The following CCL15 variants were observed in gnomAD, a reference collection of about 807,000 sequenced individuals.
CCL15 encodes C-C motif chemokine 15.
Under a neutral mutation model 10.6 loss-of-function variants are expected in CCL15, and 8 were observed. The ratio of observed to expected loss-of-function variants is 0.75; its 90% confidence interval spans 0.44 to 1.36. The LOEUF (loss-of-function observed/expected upper bound fraction) is 1.36, where lower values mean the gene tolerates loss of function less well. Among genes scored for constraint, CCL15 ranks in the 40% most tolerant of loss-of-function variants. CCL15 has a pLI of 0.00. For missense variants in CCL15, 128 were observed against 136.6 expected (o/e 0.94, Z 0.32); for synonymous variants, 51 against 48.8 (o/e 1.04, Z -0.19).
In CCL15 at chr17:35,998,941, C is replaced by T; in HGVS notation, c.77-16G>A. ...GTCTCTGCATCTGAAAGAAACAGTA[C>T]AGGGAAGGAAATCACTGGGTGGCAG... On this transcript the variant is annotated splice_polypyrimidine_tract_variant and intron_variant, in intron 1 of 3. Transcript: ENST00000617897. 6.2e-7 allele frequency: 1 copy of T among 1,610,620 alleles called. No individual in the cohort carries two copies. The highest frequency in any genetic ancestry group is 8.5e-7 in the Non-Finnish European group (1 of 1,176,762).
intron 1 of CCL15, among the ~76,000 whole-genome samples, chr17:36,000,656 C>T (rs2089983233): frequency 6.6e-6 from 1 of 152,038 alleles, no homozygotes; most frequent in Admixed American, 6.6e-5. Context: ...CTAAATCATC[C>T]TAAGGATGAG....
intron 1 of CCL15, among the ~76,000 whole-genome samples, chr17:36,000,145 C>G (rs1342556385): frequency 9.0e-6 from 1 of 111,572 alleles, no homozygotes; most frequent in African/African-American, 4.2e-5. Flanking sequence ...AGTGAGACTC[C>G]ATCTCAAAAA....
At chr17:35,998,467 C>T (rs539296386) in intron 2 of CCL15, 76 bp from the exon 3 acceptor site, 2 of 975,416 alleles carry the variant, frequency 2.1e-6, no homozygotes, top group African/African-American at 3.2e-5. Context: ...AAGGCACAAG[C>T]CTCTGAAGAC....
rs2089965536 is a variant in CCL15 at position 35,999,635 on chromosome 17, T to C, written c.77-710A>G. Reference sequence around the variant, plus strand: ...CGAGCCACAATGCCTAGCTAATAGTTTACCTTTTTGTAGTGATGAGGTCTT... The same window carrying C: ...CGAGCCACAATGCCTAGCTAATAGTCTACCTTTTTGTAGTGATGAGGTCTT... On this transcript the variant is annotated intron_variant, in intron 1 of 3. Transcript: ENST00000617897. 5.9e-5 allele frequency among the ~76,000 whole-genome samples: 9 copies of C among 151,904 alleles called. 1 individual carries two copies. The highest frequency in any genetic ancestry group is 5.9e-4 in the Admixed American group (9 of 15,246).
At position 35,997,694 on chromosome 17, in the gene CCL15, T is replaced by C. The variant is rs1568467710; in HGVS notation, c.*73A>G. 1.2e-6 allele frequency: 1 copy of C among 835,858 alleles called. No individual in the cohort carries two copies. The highest frequency in any genetic ancestry group is 2.0e-6 in the Non-Finnish European group (1 of 493,432). The allele number at this position is 835,858 out of a possible 1,614,324, so 51.8% of individuals were successfully genotyped here. A position where few individuals can be genotyped will look rare whatever the true frequency, so the allele number is the denominator to read the frequency against. On this transcript the variant is annotated 3_prime_UTR_variant, in exon 4 of 4. Coordinates refer to ENST00000617897, the MANE Select transcript of CCL15 (RefSeq NM_032965.6). ...CCAGACACAACAATATATATATTTT[T>C]TAAGTATTTCAGACCAAGAAACTCA...
intron 1 of CCL15, 65 bp from the exon 2 acceptor site, chr17:35,998,990 C>A: frequency 7.7e-7 from 1 of 1,292,400 alleles, no homozygotes; most frequent in Non-Finnish European, 1.1e-6. Flanking sequence ...CATCTCCACC[C>A]ACCCCATTGC....
In CCL15 at chr17:35,997,749, T is replaced by G; in HGVS notation, c.*18A>C. 6.4e-7 allele frequency: 1 copy of G among 1,558,054 alleles called. No homozygotes were observed. Among genetic ancestry groups the G allele is most frequent in the East Asian group, 2.2e-5 (1 of 44,578 alleles). ...AGGTGTTGGAGGTGGGTGGCTGGCC[T>G]CTTTTGTCTCTTTATTATTATATTG... On this transcript the variant is annotated 3_prime_UTR_variant, in exon 4 of 4. Transcript: ENST00000617897.
chr17:36,001,285 T>A (rs1487169609), intron 1 of CCL15, 132 bp downstream of exon 1: 1 of 1,201,072 alleles, frequency 8.3e-7, no homozygotes, highest in Non-Finnish European at 1.2e-6. Flanking sequence ...GAGCCAGGTC[T>A]ATACCCTGCT....
At chr17:36,000,481 A>G (rs1490470080) in intron 1 of CCL15, among the ~76,000 whole-genome samples, 3 of 151,834 alleles carry the variant, frequency 2.0e-5, no homozygotes, top group African/African-American at 2.4e-5. Flanking sequence ...AAAAAAAAAA[A>G]AAAATCTTGA....
At position 35,997,838 on chromosome 17, in the gene CCL15, G is replaced by A. The variant is rs368864271; in HGVS notation, c.271C>T (p.Gln91Ter). ...GGACCACTGGGTTTGGCACAGACTT[G>A]CCGCCCCTTCTTGGTGAGGAATCTG... ...GVIFLTKKGRQVCAKPSGPGV... is the reference protein window; with the variant it reads ...GVIFLTKKGR Residue 91 changes from glutamine to a stop codon, truncating the protein, a stop_gained, in exon 4 of 4, where the codon CAA (glutamine) becomes TAA (stop). Transcript: ENST00000617897. LOFTEE classifies it low-confidence loss of function (END_TRUNC). 8.1e-6 allele frequency: 13 copies of A among 1,613,750 alleles called. No individual in the cohort carries two copies. In the East Asian group the frequency reaches 2.9e-4, roughly 36 times the overall value.
rs573247415 is a variant in CCL15 at position 35,997,963 on chromosome 17, G to GT, written c.249-104dup. ...TCAGATTTCCCAGTCAACACAGCCT[G>GT]TTTTTTCCTTTCTCTGCTGATGGCA... On this transcript the variant is annotated intron_variant, in intron 3 of 3. Coordinates refer to ENST00000617897, the MANE Select transcript of CCL15 (RefSeq NM_032965.6). The GT allele has an allele frequency of 9.7e-5, 76 of 786,330 alleles. No individual in the cohort carries two copies. The Middle Eastern group carries it at 2.0e-3, about 21-fold the overall frequency. The allele number at this position is 786,330 out of a possible 1,614,324, so 48.7% of individuals were successfully genotyped here.
At chr17:35,999,049 C>G in intron 1 of CCL15, 124 bp from the exon 2 acceptor site, 1 of 771,594 alleles carries the variant, frequency 1.3e-6, no homozygotes, top group South Asian at 1.6e-5. Context: ...CCACCACCAC[C>G]TGTCTGGGTT....
chr17:35,999,934 G>A (rs1039404880), intron 1 of CCL15, among the ~76,000 whole-genome samples: 4 of 142,774 alleles, frequency 2.8e-5, no homozygotes, highest in Non-Finnish European at 6.1e-5. Flanking sequence ...GGCAGATAAC[G>A]AGATCAGGAG....
chr17:36,000,359 A>G lies in CCL15; in HGVS notation c.76+1058T>C, dbSNP rs374216281. Among the ~76,000 whole-genome samples the G allele has an allele frequency of 2.7e-5, 4 of 147,776 alleles. No individual in the cohort carries two copies. The East Asian group carries it at 8.3e-4, about 30-fold the overall frequency. On this transcript the variant is annotated intron_variant, in intron 1 of 3. Coordinates refer to ENST00000617897, the MANE Select transcript of CCL15 (RefSeq NM_032965.6). ...CATGCCTTAATCCCAACTACTCTGG[A>G]GGCTGAGGAAGGATAATTCATTGAA...
chr17:35,997,929 C>A (rs1022827689), intron 3 of CCL15, 69 bp from the exon 4 acceptor site: 4 of 1,023,176 alleles, frequency 3.9e-6, no homozygotes, highest in African/African-American at 1.6e-5. Flanking sequence ...GCCCCATCCT[C>A]CCTGCTCCTC....
chr17:35,997,960 C>A, intron 3 of CCL15, 100 bp from the exon 4 acceptor site: 1 of 785,956 alleles, frequency 1.3e-6, no homozygotes, highest in Non-Finnish European at 2.2e-6. Context: ...GTCAACACAG[C>A]CTGTTTTTTC....
At position 35,997,616 on chromosome 17, in the gene CCL15, T is replaced by C; in HGVS notation, c.*151A>G. ...ATATTAGTTTATTTCCTCTTAAAAC[T>C]CAAGCAAAGTTAAAAAATTGAATAC... On this transcript the variant is annotated 3_prime_UTR_variant, in exon 4 of 4. Coordinates refer to ENST00000617897, the MANE Select transcript of CCL15 (RefSeq NM_032965.6). The C allele has an allele frequency of 1.8e-6, 1 of 570,466 alleles. No homozygotes were observed. Among genetic ancestry groups the C allele is most frequent in the South Asian group, 2.5e-5 (1 of 40,696 alleles). 35.3% of individuals were successfully genotyped at this position (570,466 alleles called of 1,614,324 possible).
chr17:36,001,218 C>G (rs77865185), intron 1 of CCL15, among the ~76,000 whole-genome samples, 199 bp downstream of exon 1: 3 of 152,184 alleles, frequency 2.0e-5, no homozygotes, highest in Non-Finnish European at 2.9e-5. Context: ...TAATTGGCCC[C>G]AAATGGGACC....
At chr17:36,000,150 C>CAAAA (rs71157587) in intron 1 of CCL15, among the ~76,000 whole-genome samples, 10 of 63,658 alleles carry the variant, frequency 1.6e-4, no homozygotes, top group African/African-American at 5.4e-4. Context: ...GACTCCATCT[C>CAAAA]AAAAAAAAAA....
Sources: gnomAD v4.1 joint callset for allele counts (sites outside exome capture counted in the v4.1 genomes callset) on GRCh38, gnomAD v4.1.1 for gene constraint, MANE v1.5 for transcripts, NCBI Gene and HGNC (gene_info 2026-07-23, HGNC 2026-07-21) for gene names.